WFDC13: variants seen among roughly 807,000 people sequenced by gnomAD.
The protein encoded by WFDC13 is WAP four-disulfide core domain protein 13.
A neutral mutation model predicts 10.9 loss-of-function variants in WFDC13; 6 were observed. The observed-to-expected ratio is 0.55, with a 90% CI of 0.30 to 1.09. WFDC13 has a LOEUF of 1.09. Among genes scored for constraint, WFDC13 ranks in the 50% least tolerant of loss-of-function variants. The pLI is 0.06. For missense variants in WFDC13, 104 were observed against 109.6 expected, an observed-to-expected ratio of 0.95 and a Z score of 0.23; for synonymous variants, 38 against 39.5, an observed-to-expected ratio of 0.96 and a Z score of 0.14.
chr20:45,705,160 A>G, intron 2 of WFDC13: 1 of 630,870 alleles, frequency 1.6e-6, no homozygotes. Flanking sequence ...CCCATCTTGC[A>G]ACTATGTCTT....
At position 45,704,582 on chromosome 20, in the gene WFDC13, A is replaced by C; in HGVS notation, c.227A>C (p.Gln76Pro). 3 of 1,614,086 alleles carry C rather than the reference A, an allele frequency of 1.9e-6. No homozygotes were observed. Among genetic ancestry groups the C allele is most frequent in the Non-Finnish European group, 2.5e-6 (3 of 1,179,996 alleles). Reference protein sequence around the residue: ...CGIVCSSETFQKRNRIKHKGS... With the variant: ...CGIVCSSETFPKRNRIKHKGS... ...ATAGTCTGTTCATCAGAAACATTTC[A>C]AAAGCGCAACAGGTAAGAGATATCT... Residue 76 changes from glutamine (Q) to proline (P), a missense_variant, in exon 2 of 4, where the codon CAA (glutamine) becomes CCA (proline). Coordinates refer to ENST00000305479, the MANE Select transcript of WFDC13 (RefSeq NM_172005.2).
At chr20:45,702,295 T>C (rs943202072) in intron 1 of WFDC13, 84 bp downstream of exon 1, 1 of 1,356,512 alleles carries the variant, frequency 7.4e-7, no homozygotes, top group South Asian at 1.3e-5. Flanking sequence ...GTCACACCTC[T>C]TGGAAAAATA....
At chr20:45,707,332 G>A (rs1375342414) in intron 3 of WFDC13, among the ~76,000 whole-genome samples, 1 of 152,154 alleles carries the variant, frequency 6.6e-6, no homozygotes, top group Non-Finnish European at 1.5e-5. Flanking sequence ...ACCATATGTG[G>A]TTCGAGTTGA....
chr20:45,703,194 C>A (rs1267021879), intron 1 of WFDC13, among the ~76,000 whole-genome samples: 1 of 152,166 alleles, frequency 6.6e-6, no homozygotes, highest in Non-Finnish European at 1.5e-5. Context: ...ATCTCTGGAT[C>A]ATGGTGTCTA....
At chr20:45,706,089 T>G (rs1040941265) in intron 3 of WFDC13, among the ~76,000 whole-genome samples, 162 bp downstream of exon 3, 1 of 152,130 alleles carries the variant, frequency 6.6e-6, no homozygotes. Flanking sequence ...AGGGCTATCT[T>G]TGCACTCCCT....
At position 45,704,810 on chromosome 20, in the gene WFDC13, C is replaced by T. The variant is rs1984324546; in HGVS notation, c.239+216C>T. On this transcript the variant is annotated intron_variant, in intron 2 of 3. Coordinates refer to ENST00000305479, the MANE Select transcript of WFDC13 (RefSeq NM_172005.2). Reference sequence around the variant, plus strand: ...CCCTCCCAATCACCACATCCCATCACCATATCCGTGAATTTCTGACTCTGC... The same window carrying T: ...CCCTCCCAATCACCACATCCCATCATCATATCCGTGAATTTCTGACTCTGC... The T allele has an allele frequency of 3.0e-6, 4 of 1,337,946 alleles. No homozygotes were observed. The South Asian group carries it at 3.6e-5, about 12-fold the overall frequency. 82.9% of individuals were successfully genotyped at this position (1,337,946 alleles called of 1,614,324 possible). A position where few individuals can be genotyped will look rare whatever the true frequency, so the allele number is the denominator to read the frequency against.
At chr20:45,705,622 C>G (rs1984359577) in intron 2 of WFDC13, among the ~76,000 whole-genome samples, 1 of 152,232 alleles carries the variant, frequency 6.6e-6, no homozygotes, top group Non-Finnish European at 1.5e-5. Context: ...GCAACCACTT[C>G]TCTTTGAAGA....
chr20:45,705,909 A>G lies in WFDC13; in HGVS notation c.*4A>G, dbSNP rs760881615. 5 of 1,614,090 alleles carry G rather than the reference A, an allele frequency of 3.1e-6. No homozygotes were observed. The highest frequency in any genetic ancestry group is 4.2e-6 in the Non-Finnish European group (5 of 1,179,984). On this transcript the variant is annotated 3_prime_UTR_variant, in exon 3 of 4. Transcript: ENST00000305479. Reference sequence around the variant, plus strand: ...AGTCATCATGCCTGCCAACTGAGGCATATTTCCTAGATCATTTTGTAAGTA... The same window carrying G: ...AGTCATCATGCCTGCCAACTGAGGCGTATTTCCTAGATCATTTTGTAAGTA...
intron 2 of WFDC13, chr20:45,704,845 C>G: frequency 2.7e-6 from 4 of 1,505,014 alleles, no homozygotes; most frequent in Non-Finnish European, 3.7e-6. Flanking sequence ...CCTCTCTGAA[C>G]ACACCCACAA....
At chr20:45,704,660 C>A (rs188076182) in intron 2 of WFDC13, 66 bp downstream of exon 2, 2 of 1,576,368 alleles carry the variant, frequency 1.3e-6, no homozygotes, top group African/African-American at 2.7e-5. Context: ...AGAAGAGTCC[C>A]TTACCAGCAA....
intron 3 of WFDC13, 67 bp downstream of exon 3, chr20:45,705,994 T>TGAGGCTACAGGAAGAA: frequency 7.2e-7 from 1 of 1,391,370 alleles, no homozygotes; most frequent in Non-Finnish European, 1.0e-6. Context: ...TTTCTTCCTG[T>TGAGGCTACAGGAAGAA]AGCCTCACCA....
rs1984304796 is a variant in WFDC13, at chr20:45,704,480, C to G, written c.125C>G (p.Pro42Arg). The part of the protein sequence containing the change: ...ILEPPPCISA[P>R]ENCTHLCTMQ... ...GAACCTCCACCCTGCATATCAGCAC[C>G]TGAAAACTGTACTCACCTGTGTACA... The change falls in exon 2 of 4, where the codon CCT (proline) becomes CGT (arginine). Residue 42 changes from proline to arginine, a missense_variant. Transcript: ENST00000305479. 1 of 1,613,986 alleles carries G rather than the reference C, an allele frequency of 6.2e-7. No individual in the cohort carries two copies. Among genetic ancestry groups the G allele is most frequent in the Non-Finnish European group, 8.5e-7 (1 of 1,180,000 alleles).
rs1360582278 is a variant in WFDC13 at position 45,708,001 on chromosome 20, A to T, written c.*166A>T. ...ATAAAACTCTTGAAGCTTAAGCTTT[A>T]GGTCAACACTTGCAAGAGCCCCTTC... On this transcript the variant is annotated 3_prime_UTR_variant, in exon 4 of 4. Coordinates refer to ENST00000305479, the MANE Select transcript of WFDC13 (RefSeq NM_172005.2). 1 of 152,182 alleles carries T rather than the reference A, an allele frequency of 6.6e-6. No individual in the cohort carries two copies. Among genetic ancestry groups the T allele is most frequent in the Non-Finnish European group, 1.5e-5 (1 of 68,038 alleles). 9.4% of individuals were successfully genotyped at this position (152,182 alleles called of 1,614,324 possible).
At position 45,704,583 on chromosome 20, in the gene WFDC13, A is replaced by C; in HGVS notation, c.228A>C (p.Gln76His). The change falls in exon 2 of 4, where the codon CAA becomes CAC. Residue 76 changes from glutamine to histidine, a missense_variant. Physicochemically the swap from Gln to His is conservative, Grantham distance 24. Transcript: ENST00000305479. ...CGIVCSSETF[Q>H]KRNRIKHKGS... ...TAGTCTGTTCATCAGAAACATTTCA[A>C]AAGCGCAACAGGTAAGAGATATCTC... 6.2e-7 allele frequency: 1 copy of C among 1,614,074 alleles called. No homozygotes were observed. The highest frequency in any genetic ancestry group is 1.1e-5 in the South Asian group (1 of 91,070).
intron 2 of WFDC13, 143 bp from the exon 3 acceptor site, chr20:45,705,720 T>C: frequency 4.4e-6 from 3 of 689,318 alleles, no homozygotes; most frequent in Non-Finnish European, 7.1e-6. Context: ...TGTCATTGAG[T>C]TTTTTGAGGT....
rs1366704377 is a variant in WFDC13 at position 45,708,696 on chromosome 20, T to A, written c.*861T>A. The A allele has an allele frequency of 6.6e-6, 1 of 152,210 alleles. No homozygotes were observed. Among genetic ancestry groups the A allele is most frequent in the African/African-American group, 2.4e-5 (1 of 41,462 alleles). 9.4% of individuals were successfully genotyped at this position (152,210 alleles called of 1,614,324 possible). The stretch of plus-strand genomic sequence containing the variant: ...GGTATTATAAAGGTATTTAAAATAA[T>A]AATAATAAAGTGTTATTTTCCTGGG... On this transcript the variant is annotated 3_prime_UTR_variant, in exon 4 of 4. Transcript: ENST00000305479.
intron 3 of WFDC13, among the ~76,000 whole-genome samples, chr20:45,707,351 A>G (rs539911379): frequency 1.3e-4 from 20 of 152,328 alleles, no homozygotes; most frequent in South Asian, 8.3e-4. Context: ...GACCTGAGTG[A>G]GGCAGGTCTC....
chr20:45,702,200 A>AGC lies in WFDC13; in HGVS notation c.79_80dup (p.Leu29PhefsTer2). The AGC allele has an allele frequency of 6.2e-7, 1 of 1,612,488 alleles. No homozygotes were observed. The highest frequency in any genetic ancestry group is 1.3e-5 in the African/African-American group (1 of 75,026). On this transcript the variant is annotated frameshift_variant, in exon 1 of 4. Coordinates refer to ENST00000305479, the MANE Select transcript of WFDC13 (RefSeq NM_172005.2). LOFTEE classifies it high-confidence loss of function. ...CAGCTGGTGCCTGGGAGTCCCAAGC[A>AGC]GCGTGTTCTGAGTAGGTGCTGGATC... is the stretch of plus-strand genomic sequence containing the variant.
intron 2 of WFDC13, chr20:45,705,078 G>A: frequency 7.5e-7 from 1 of 1,335,934 alleles, no homozygotes; most frequent in Non-Finnish European, 1.1e-6. Context: ...CTAGCCGCAA[G>A]CCTGCTAAAT....
Sources: gnomAD v4.1 joint callset for allele counts (sites outside exome capture counted in the v4.1 genomes callset) on GRCh38, gnomAD v4.1.1 for gene constraint, MANE v1.5 for transcripts, NCBI Gene and HGNC (gene_info 2026-07-23, HGNC 2026-07-21) for gene names.